The following ETV6 variants were observed in gnomAD, a reference collection of about 807,000 sequenced individuals.
The protein encoded by ETV6 is transcription factor ETV6.
A neutral mutation model predicts 51.1 loss-of-function variants in ETV6; 16 were observed. That is an observed-to-expected ratio of 0.31 (90% CI 0.21 to 0.48). The LOEUF (loss-of-function observed/expected upper bound fraction) is 0.48. Among genes scored for constraint, ETV6 ranks in the 20% least tolerant of loss-of-function variants. ETV6 has a pLI of 0.99. For synonymous variants in ETV6, 240 were observed against 224.1 expected, an observed-to-expected ratio of 1.07 and a Z score of -0.64; for missense variants, 458 against 594.8, an observed-to-expected ratio of 0.77 and a Z score of 2.39.
At chr12:11,750,372 C>G (rs1865998008) in intron 1 of ETV6, among the ~76,000 whole-genome samples, 1 of 152,194 alleles carries the variant, frequency 6.6e-6, no homozygotes, top group Non-Finnish European at 1.5e-5. Flanking sequence ...CGGGTTTCTC[C>G]CAGCTTGCCT....
chr12:11,822,094 T>C (rs1424601336), intron 2 of ETV6, among the ~76,000 whole-genome samples: 1 of 152,224 alleles, frequency 6.6e-6, no homozygotes, highest in Non-Finnish European at 1.5e-5. Flanking sequence ...TCTCTTTACA[T>C]TCCTTTCTTC....
At chr12:11,705,120 CAA>C (rs1431417812) in intron 1 of ETV6, among the ~76,000 whole-genome samples, 3 of 152,122 alleles carry the variant, frequency 2.0e-5, no homozygotes, top group Admixed American at 2.0e-4. Flanking sequence ...ATGTACAACG[CAA>C]AGACTAAAGT....
intron 1 of ETV6, among the ~76,000 whole-genome samples, chr12:11,698,219 G>A (rs1864914480): frequency 6.6e-6 from 1 of 152,170 alleles, no homozygotes; most frequent in Admixed American, 6.5e-5. Context: ...TGTGTATTTT[G>A]TACCATGTGG....
chr12:11,823,003 T>A (rs998239669), intron 2 of ETV6, among the ~76,000 whole-genome samples: 2 of 152,186 alleles, frequency 1.3e-5, no homozygotes, highest in African/African-American at 4.8e-5. Flanking sequence ...GAGACTGGCA[T>A]GTCAGGGATG....
chr12:11,651,727 A>G (rs1020617878), intron 1 of ETV6, among the ~76,000 whole-genome samples: 5 of 152,360 alleles, frequency 3.3e-5, no homozygotes, highest in Admixed American at 1.3e-4. Flanking sequence ...GCTTCATAAC[A>G]TAGAGGTAAC....
intron 2 of ETV6, among the ~76,000 whole-genome samples, chr12:11,801,007 G>C (rs1288266547): frequency 6.6e-6 from 1 of 152,204 alleles, no homozygotes; most frequent in African/African-American, 2.4e-5. Context: ...GCCCTCCAAA[G>C]TAGTATAATT....
chr12:11,788,305 T>C (rs945750810), intron 2 of ETV6, among the ~76,000 whole-genome samples: 1 of 152,160 alleles, frequency 6.6e-6, no homozygotes, highest in African/African-American at 2.4e-5. Context: ...ATTATACTAA[T>C]ATTTCACCCA....
chr12:11,764,302 G>A (rs556390003), intron 2 of ETV6, among the ~76,000 whole-genome samples: 1 of 152,316 alleles, frequency 6.6e-6, no homozygotes, highest in Non-Finnish European at 1.5e-5. Context: ...TGGAAAACTA[G>A]ATGGAAAATC....
chr12:11,887,460 C>T (rs886979123), intron 7 of ETV6, among the ~76,000 whole-genome samples: 3 of 152,112 alleles, frequency 2.0e-5, no homozygotes, highest in African/African-American at 7.2e-5. Flanking sequence ...TTAGAAATTC[C>T]ACCCAGAGGC....
intron 4 of ETV6, among the ~76,000 whole-genome samples, chr12:11,858,641 CT>C (rs1434543634): frequency 1.3e-5 from 2 of 152,144 alleles, no homozygotes; most frequent in Non-Finnish European, 1.5e-5. Context: ...AATTTCAGCT[CT>C]TTAGTTGCAT....
chr12:11,775,734 G>A (rs1015658487), intron 2 of ETV6, among the ~76,000 whole-genome samples: 1 of 152,208 alleles, frequency 6.6e-6, no homozygotes, highest in African/African-American at 2.4e-5. Context: ...GTGAGCTGCC[G>A]AAGGGCCAGG....
At chr12:11,796,264 T>C (rs1168623302) in intron 2 of ETV6, among the ~76,000 whole-genome samples, 1 of 152,184 alleles carries the variant, frequency 6.6e-6, no homozygotes, top group Non-Finnish European at 1.5e-5. Context: ...GGCTTTTCCT[T>C]TTCTTGCCGG....
intron 2 of ETV6, 140 bp downstream of exon 2, chr12:11,752,719 AC>A (rs72552338): frequency 0.023 from 24,285 of 1,034,984 alleles, 390 homozygotes; most frequent in Non-Finnish European, 0.028. Context: ...AATCTTTCAC[AC>A]CCCCCTACCC....
In ETV6 at chr12:11,805,347, T is replaced by C. The variant is rs186588936; in HGVS notation, c.164-33793T>C. Among the ~76,000 whole-genome samples, 11 of 152,386 alleles carry C rather than the reference T, an allele frequency of 7.2e-5. No homozygotes were observed. In the East Asian group the frequency reaches 7.7e-4, roughly 11 times the overall value. On this transcript the variant is annotated intron_variant, in intron 2 of 7. Coordinates refer to ENST00000396373, the MANE Select transcript of ETV6 (RefSeq NM_001987.5). ...TGTGCACCTCCCTCAACTGCCATTG[T>C]TTCCTCTCCCATTCTGTTGTCTTGT...
chr12:11,827,090 A>T (rs966705544), intron 2 of ETV6, among the ~76,000 whole-genome samples: 5 of 150,608 alleles, frequency 3.3e-5, no homozygotes, highest in African/African-American at 1.2e-4. Flanking sequence ...ACACACACAC[A>T]CACACACACA....
intron 2 of ETV6, among the ~76,000 whole-genome samples, chr12:11,819,066 C>T (rs578226712): frequency 6.6e-6 from 1 of 152,322 alleles, no homozygotes; most frequent in South Asian, 2.1e-4. Context: ...CACCTAGTTC[C>T]ATTCCATCTT....
chr12:11,788,221 G>A (rs16907274), intron 2 of ETV6, among the ~76,000 whole-genome samples: 6,122 of 151,304 alleles, frequency 0.04, 415 homozygotes, highest in African/African-American at 0.14. Flanking sequence ...TAGTCACACT[G>A]CATAGTATTG....
chr12:11,867,087 C>T (rs1166319521), intron 4 of ETV6, among the ~76,000 whole-genome samples: 1 of 152,232 alleles, frequency 6.6e-6, no homozygotes, highest in Non-Finnish European at 1.5e-5. Flanking sequence ...CAGTTCCCTT[C>T]TTTCAAGAGT....
At chr12:11,791,398 G>A (rs1252120590) in intron 2 of ETV6, among the ~76,000 whole-genome samples, 2 of 152,182 alleles carry the variant, frequency 1.3e-5, no homozygotes, top group Non-Finnish European at 2.9e-5. Context: ...TCCAAAATAC[G>A]TGTTCATGTG....
Sources: allele counts gnomAD v4.1 joint callset (sites outside exome capture counted in the v4.1 genomes callset), GRCh38; gene constraint gnomAD v4.1.1; transcripts MANE v1.5; gene names NCBI Gene and HGNC (gene_info 2026-07-23, HGNC 2026-07-21).